CD163L1: variants seen among roughly 807,000 people sequenced by gnomAD.
CD163L1 encodes scavenger receptor cysteine-rich type 1 protein M160.
In CD163L1, 124 loss-of-function variants were observed where a neutral mutation model predicts 165.4. The ratio of observed to expected loss-of-function variants is 0.75; its 90% CI spans 0.65 to 0.87. The LOEUF is 0.87. Ranked by LOEUF, CD163L1 falls within the 40% of genes least tolerant of loss-of-function variation. CD163L1 has a pLI of 0.00. For missense variants in CD163L1, 1,525 were observed against 1,799.9 expected (o/e 0.85, Z 2.76); for synonymous variants, 585 against 662.2 (o/e 0.88, Z 1.79).
chr12:7,383,434 G>C (rs1476849075), intron 8 of CD163L1, among the ~76,000 whole-genome samples: 1 of 152,140 alleles, frequency 6.6e-6, no homozygotes, highest in Non-Finnish European at 1.5e-5. Context: ...AGGGGCCTGA[G>C]AACTTTCCCA....
intron 4 of CD163L1, among the ~76,000 whole-genome samples, chr12:7,418,627 CAATT>C (rs912857773): frequency 2.0e-5 from 3 of 151,840 alleles, no homozygotes. Context: ...AATTGATAAA[CAATT>C]AGTGAGATTA....
the CD163L1 span, chr12:7,322,470 C>G: frequency 6.2e-7 from 1 of 1,613,882 alleles, no homozygotes; most frequent in South Asian, 1.1e-5. Flanking sequence ...GCCACTCAAC[C>G]CAGAAGTGCT....
At chr12:7,365,048 A>G (rs961685436) in intron 18 of CD163L1, among the ~76,000 whole-genome samples, 2 of 152,102 alleles carry the variant, frequency 1.3e-5, no homozygotes, top group African/African-American at 2.4e-5. Flanking sequence ...TAGTAACCAA[A>G]TCAGCATGGT....
intron 8 of CD163L1, among the ~76,000 whole-genome samples, chr12:7,381,055 A>G (rs1052548764): frequency 2.6e-5 from 4 of 152,316 alleles, no homozygotes; most frequent in South Asian, 2.1e-4. Flanking sequence ...ATTAAAAACT[A>G]TAAATGGTAT....
In CD163L1 at chr12:7,403,732, A is replaced by G; in HGVS notation, c.1211T>C (p.Leu404Pro). The G allele has an allele frequency of 6.2e-7, 1 of 1,614,028 alleles. No individual in the cohort carries two copies. ...ACATCCTAGCTGCTTACAAACCACA[A>G]GGGCTTGTTCATTCTTCCAGTTCTG... is the stretch of plus-strand genomic sequence containing the variant. ...CDQNWKNEQA[L>P]VVCKQLGCPF... Residue 404 changes from leucine (L) to proline (P), a missense_variant, in exon 6 of 20, where the codon CTT becomes CCT. Physicochemically the swap from Leu to Pro is moderately conservative, Grantham distance 98. Coordinates refer to ENST00000313599, the MANE Select transcript of CD163L1 (RefSeq NM_174941.6).
At chr12:7,383,570 T>G (rs1591905806) in intron 8 of CD163L1, among the ~76,000 whole-genome samples, 1 of 152,274 alleles carries the variant, frequency 6.6e-6, no homozygotes, top group South Asian at 2.1e-4. Flanking sequence ...TGGACAGTCA[T>G]GGTCAGCCTG....
At chr12:7,440,540 T>A (rs1198347725) in intron 2 of CD163L1, among the ~76,000 whole-genome samples, 1 of 152,082 alleles carries the variant, frequency 6.6e-6, no homozygotes, top group Non-Finnish European at 1.5e-5. Flanking sequence ...TGTAAGTTTT[T>A]ATTAACCGAT....
chr12:7,426,211 T>C (rs76501310), intron 4 of CD163L1, among the ~76,000 whole-genome samples: 2 of 152,100 alleles, frequency 1.3e-5, no homozygotes, highest in Non-Finnish European at 1.5e-5. Context: ...AAACACCACA[T>C]GTTCTCACTC....
chr12:7,406,473 G>GAGA, intron 5 of CD163L1, 59 bp downstream of exon 5: 1 of 1,536,048 alleles, frequency 6.5e-7, no homozygotes, highest in Non-Finnish European at 8.9e-7. Context: ...TCAGGGTTTG[G>GAGA]TCCTAGTTCT....
At chr12:7,351,363 T>C (rs984825460), downstream of CD163L1, among the ~76,000 whole-genome samples, 31 of 152,286 alleles carry the variant, frequency 2.0e-4, no homozygotes, top group Admixed American at 7.2e-4. Context: ...TTCTAGAGGT[T>C]GGAAAGTCCA....
chr12:7,387,604 G>A (rs2136466428), intron 8 of CD163L1, among the ~76,000 whole-genome samples: 1 of 152,124 alleles, frequency 6.6e-6, no homozygotes, highest in East Asian at 1.9e-4. Context: ...AAAGAGCCTG[G>A]TACCTCCTCT....
the CD163L1 span, among the ~76,000 whole-genome samples, chr12:7,321,491 A>T: frequency 6.6e-6 from 1 of 152,186 alleles, no homozygotes; most frequent in Non-Finnish European, 1.5e-5. Context: ...AGACAGAATA[A>T]AGCAAACATG....
chr12:7,440,446 C>A (rs1253373015), intron 2 of CD163L1, among the ~76,000 whole-genome samples: 1 of 151,698 alleles, frequency 6.6e-6, no homozygotes, highest in Non-Finnish European at 1.5e-5. Flanking sequence ...CCCTTGAATT[C>A]ATCTTTTTAT....
rs752273727 is a variant in CD163L1 at position 7,374,489 on chromosome 12, C to A, written c.3362G>T (p.Gly1121Val). Residue 1121 changes from glycine (G) to valine (V), a missense_variant, in exon 13 of 20, where the codon GGG becomes GTG. Gly to Val is a moderately radical substitution (Grantham distance 109). Coordinates refer to ENST00000313599, the MANE Select transcript of CD163L1 (RefSeq NM_174941.6). The surrounding 1 kb of genome is among the most constrained non-coding windows in gnomAD (Gnocchi z 5.4). ...HLWQCPSRGW[G>V]QHDCRHKEDA... The stretch of plus-strand genomic sequence containing the variant: ...CTCCTTGTGCCTGCAGTCGTGCTGC[C>A]CCCAGCCGCGGGAAGGGCACTGCCA... 1.4e-5 allele frequency: 22 copies of A among 1,614,118 alleles called. No individual in the cohort carries two copies. Among genetic ancestry groups the A allele is most frequent in the Non-Finnish European group, 1.8e-5 (21 of 1,179,996 alleles).
downstream of CD163L1, among the ~76,000 whole-genome samples, chr12:7,346,034 C>A (rs1946668090): frequency 6.6e-6 from 1 of 152,204 alleles, no homozygotes; most frequent in Non-Finnish European, 1.5e-5. Context: ...AACTTCGGGG[C>A]CTACATTTTA....
chr12:7,341,390 G>A, the CD163L1 span, among the ~76,000 whole-genome samples: 1 of 152,178 alleles, frequency 6.6e-6, no homozygotes, highest in East Asian at 1.9e-4. Context: ...TGTCACTGAG[G>A]AACAAATGTT....
At chr12:7,403,279 T>A (rs1947948767) in intron 6 of CD163L1, among the ~76,000 whole-genome samples, 1 of 152,054 alleles carries the variant, frequency 6.6e-6, no homozygotes, top group Non-Finnish European at 1.5e-5. Flanking sequence ...TGAAGAGAGG[T>A]TGCCCAGTTA....
At chr12:7,405,632 C>T (rs942042943) in intron 5 of CD163L1, among the ~76,000 whole-genome samples, 2 of 152,194 alleles carry the variant, frequency 1.3e-5, no homozygotes, top group African/African-American at 4.8e-5. Flanking sequence ...CTGCGGCATA[C>T]TCTAGACTTA....
At position 7,432,214 on chromosome 12, in the gene CD163L1, A is replaced by G. The variant is rs1289077309; in HGVS notation, c.766+202T>C. ...GAGTGATCAGAAATATTAAAACTCA[A>G]AATGTGCTTTAGATTTGTTAGGAAG... On this transcript the variant is annotated intron_variant, in intron 4 of 19. Transcript: ENST00000313599. The surrounding 1 kb of genome is among the most constrained non-coding windows in gnomAD (Gnocchi z 4.2). Among the ~76,000 whole-genome samples, 3 of 152,248 alleles carry G rather than the reference A, an allele frequency of 2.0e-5. No homozygotes were observed. Among genetic ancestry groups the G allele is most frequent in the African/African-American group, 4.8e-5 (2 of 41,466 alleles).
Sources: gnomAD v4.1 joint callset for allele counts (sites outside exome capture counted in the v4.1 genomes callset) on GRCh38, gnomAD v4.1.1 for gene constraint, Gnocchi (gnomAD v3.1) non-coding constraint, MANE v1.5 for transcripts, NCBI Gene and HGNC (gene_info 2026-07-23, HGNC 2026-07-21) for gene names.